Variants in BCKDHB observed in about 807,000 individuals in gnomAD.
BCKDHB encodes 2-oxoisovalerate dehydrogenase subunit beta, mitochondrial.
A neutral mutation model predicts 48.5 loss-of-function variants in BCKDHB; 41 were observed. The ratio of observed to expected loss-of-function variants is 0.85; its 90% CI spans 0.66 to 1.10. The LOEUF (loss-of-function observed/expected upper bound fraction) is 1.10. Ranked by LOEUF, BCKDHB falls within the 50% of genes least tolerant of loss-of-function variation. BCKDHB has a pLI of 0.00. For missense variants in BCKDHB, 496 were observed against 494.2 expected, an observed-to-expected ratio of 1.00 and a Z score of -0.03; for synonymous variants, 201 against 174.8, an observed-to-expected ratio of 1.15 and a Z score of -1.18.
chr6:80,435,314 A>T, the BCKDHB span, among the ~76,000 whole-genome samples: 1 of 152,206 alleles, frequency 6.6e-6, no homozygotes, highest in South Asian at 2.1e-4. Context: ...GTTTAAATTT[A>T]TATTTAGGAG....
At chr6:80,425,433 T>C in the BCKDHB span, among the ~76,000 whole-genome samples, 11 of 152,266 alleles carry the variant, frequency 7.2e-5, no homozygotes, top group Middle Eastern at 3.4e-3. Context: ...ACTGAAGAAA[T>C]ATAGATTCAA....
chr6:80,199,664 C>G (rs1234516485), intron 6 of BCKDHB, among the ~76,000 whole-genome samples: 1 of 149,864 alleles, frequency 6.7e-6, no homozygotes, highest in African/African-American at 2.5e-5. Context: ...GTAATCCCAG[C>G]TACTTGAGAG....
rs1467662033 is a variant in BCKDHB, at chr6:80,171,272, GT to G, written c.634-5del. The stretch of plus-strand genomic sequence containing the variant: ...TACTAAAATTGTCTTAAAAAAATCT[GT>G]TTTTGCAGGTGGTTATACCCAGAAG... On this transcript the variant is annotated splice_polypyrimidine_tract_variant and intron_variant, in intron 5 of 9. Coordinates refer to ENST00000320393, the MANE Select transcript of BCKDHB (RefSeq NM_183050.4). 1.3e-6 allele frequency: 2 copies of G among 1,570,724 alleles called. No individual in the cohort carries two copies. The highest frequency in any genetic ancestry group is 1.1e-5 in the South Asian group (1 of 88,934).
the BCKDHB span, among the ~76,000 whole-genome samples, chr6:80,359,624 T>G: frequency 6.6e-6 from 1 of 152,214 alleles, no homozygotes; most frequent in South Asian, 2.1e-4. Flanking sequence ...AGATGGAGTC[T>G]CCCTCTGTCG....
the BCKDHB span, among the ~76,000 whole-genome samples, chr6:80,376,626 G>A: frequency 1.3e-5 from 2 of 152,286 alleles, no homozygotes; most frequent in South Asian, 4.2e-4. Flanking sequence ...AGTGGGAGTT[G>A]CAAGTTAGTC....
intron 8 of BCKDHB, among the ~76,000 whole-genome samples, chr6:80,254,889 C>T (rs1011171329): frequency 6.6e-6 from 1 of 152,118 alleles, no homozygotes; most frequent in African/African-American, 2.4e-5. Context: ...GAACACATTT[C>T]TGTTATCTTC....
At chr6:80,200,647 C>T (rs1049977059) in intron 6 of BCKDHB, among the ~76,000 whole-genome samples, 3 of 152,072 alleles carry the variant, frequency 2.0e-5, no homozygotes, top group Non-Finnish European at 4.4e-5. Context: ...TTGATACATT[C>T]TTATTGACTA....
At chr6:80,267,726 G>C (rs1271126691) in intron 8 of BCKDHB, among the ~76,000 whole-genome samples, 1 of 152,054 alleles carries the variant, frequency 6.6e-6, no homozygotes, top group East Asian at 1.9e-4. Context: ...AGTTTTCTTA[G>C]GTTCTTCAGT....
intron 8 of BCKDHB, among the ~76,000 whole-genome samples, chr6:80,235,534 T>C (rs2127899059): frequency 6.6e-6 from 1 of 152,326 alleles, no homozygotes; most frequent in South Asian, 2.1e-4. Flanking sequence ...AGATTATTTT[T>C]GAATTAGTGT....
Position 80,175,026 on chromosome 6 carries a change from C to T in BCKDHB, c.742+3636C>T, listed in dbSNP as rs183993643. Among the ~76,000 whole-genome samples, 412 of 152,170 alleles carry T rather than the reference C, an allele frequency of 2.7e-3. 2 individuals carry two copies. Among genetic ancestry groups the T allele is most frequent in the African/African-American group, 9.2e-3 (381 of 41,530 alleles). ...TCAAGTAATATGGAAATTTATTTAT[C>T]TCTAATATAAATGTCTAAGTTGGCA... On this transcript the variant is annotated intron_variant, in intron 6 of 9. Coordinates refer to ENST00000320393, the MANE Select transcript of BCKDHB (RefSeq NM_183050.4).
the BCKDHB span, among the ~76,000 whole-genome samples, chr6:80,371,369 G>A: frequency 1.3e-5 from 2 of 151,860 alleles, no homozygotes; most frequent in Admixed American, 6.6e-5. Context: ...TGAGTTCCTT[G>A]TAGAGTCAGG....
chr6:80,415,714 G>A, the BCKDHB span, among the ~76,000 whole-genome samples: 3 of 151,982 alleles, frequency 2.0e-5, no homozygotes, highest in Non-Finnish European at 4.4e-5. Flanking sequence ...TTCATTAAGG[G>A]TATTGGCCTG....
At chr6:80,249,160 A>G (rs1460704496) in intron 8 of BCKDHB, among the ~76,000 whole-genome samples, 2 of 151,910 alleles carry the variant, frequency 1.3e-5, no homozygotes, top group African/African-American at 2.4e-5. Context: ...CTAGATGCTA[A>G]TAAGTTCCTC....
rs3840387 is a variant in BCKDHB, at chr6:80,205,791, GGTGTGTGTGTGTGT to G, written c.951+2610_951+2623del. On this transcript the variant is annotated intron_variant, in intron 8 of 9. Transcript: ENST00000320393. Reference sequence around the variant, plus strand: ...AGACAGAGACCTACCCTGTGCCATGGGTGTGTGTGTGTGTGTGTGTGTGTGTGTGTGTGTGTGTG... The same window carrying G: ...AGACAGAGACCTACCCTGTGCCATGGGTGTGTGTGTGTGTGTGTGTGTGTG... 1.8e-4 allele frequency among the ~76,000 whole-genome samples: 25 copies of G among 135,166 alleles called. No homozygotes were observed. The South Asian group carries it at 2.0e-3, about 11-fold the overall frequency. 88.7% of individuals were successfully genotyped at this position (135,166 alleles called of 152,430 possible).
intron 8 of BCKDHB, among the ~76,000 whole-genome samples, chr6:80,230,086 T>G (rs1775855804): frequency 8.8e-6 from 1 of 114,058 alleles, no homozygotes; most frequent in Non-Finnish European, 1.6e-5. Context: ...TCGCCCAAGC[T>G]GGACTGCAGT....
At chr6:80,356,208 C>T in the BCKDHB span, 2 of 152,190 alleles carry the variant, frequency 1.3e-5, no homozygotes, top group Non-Finnish European at 2.9e-5. Flanking sequence ...CATTGGCCAA[C>T]TTGCCTGTCA....
At chr6:80,326,721 C>A (rs1374279300) in intron 9 of BCKDHB, among the ~76,000 whole-genome samples, 1 of 152,104 alleles carries the variant, frequency 6.6e-6, no homozygotes, top group Non-Finnish European at 1.5e-5. Flanking sequence ...AACTCCATCT[C>A]TACTAAAAAT....
chr6:80,263,604 T>C (rs545500684), intron 8 of BCKDHB, among the ~76,000 whole-genome samples: 23 of 152,274 alleles, frequency 1.5e-4, no homozygotes, highest in Non-Finnish European at 1.2e-4. Flanking sequence ...ATTCATTTAT[T>C]CCAGCAGAAT....
At chr6:80,429,011 C>T in the BCKDHB span, among the ~76,000 whole-genome samples, 1 of 152,158 alleles carries the variant, frequency 6.6e-6, no homozygotes. Context: ...TTACATCTTA[C>T]ATTTAAGTAG....
Sources: gnomAD v4.1 joint callset for allele counts (sites outside exome capture counted in the v4.1 genomes callset) on GRCh38, gnomAD v4.1.1 for gene constraint, MANE v1.5 for transcripts, NCBI Gene and HGNC (gene_info 2026-07-23, HGNC 2026-07-21) for gene names.